The following C19orf12 variants were observed in gnomAD, a reference collection of about 807,000 sequenced individuals.
C19orf12 encodes chromosome 19 open reading frame 12, also known as protein C19orf12.
C19orf12 carries 2 observed loss-of-function variants against 3.8 expected under a neutral mutation model. That is an observed-to-expected ratio of 0.53 (90% CI 0.22 to 1.66). The LOEUF is 1.66. Among genes scored for constraint, C19orf12 ranks in the 40% most tolerant of loss-of-function variants. The pLI is 0.20. For synonymous variants in C19orf12, 89 were observed against 84.6 expected, an observed-to-expected ratio of 1.05 and a Z score of -0.28; for missense variants, 156 against 188.8, an observed-to-expected ratio of 0.83 and a Z score of 1.02.
At chr19:29,705,284 C>T (rs59045715) in intron 2 of C19orf12, 2 of 438,254 alleles carry the variant, frequency 4.6e-6, no homozygotes, top group Non-Finnish European at 9.0e-6. Context: ...CTGCCCAGTA[C>T]TCCTCAAAAC....
chr19:29,699,352 G>A lies in C19orf12; in HGVS notation c.*3360C>T, dbSNP rs751544888. On this transcript the variant is annotated 3_prime_UTR_variant, in exon 3 of 3. Transcript: ENST00000323670. ...ATAAAAATTAGCCGGGCATGGTGGC[G>A]GGCGACTGTAGTCAAAGCTACTCGG... The A allele has an allele frequency of 9.6e-5, 35 of 366,070 alleles. No homozygotes were observed. Among genetic ancestry groups the A allele is most frequent in the Middle Eastern group, 9.3e-4 (1 of 1,072 alleles). 22.7% of individuals were successfully genotyped at this position (366,070 alleles called of 1,614,324 possible). A position where few individuals can be genotyped will look rare whatever the true frequency, so the allele number is the denominator to read the frequency against.
Position 29,702,995 on chromosome 19 carries a change from GTTCAATTAGTGGGTCTTA to G in C19orf12, c.161-36_161-19del. On this transcript the variant is annotated intron_variant, in intron 2 of 2. Transcript: ENST00000323670. ...AGCCCCCCCTAGAAAACATGGAATCGTTCAATTAGTGGGTCTTATTCATAAGCGATGGCCTTACTTAAG... is the reference window on the plus strand; with the variant it reads ...AGCCCCCCCTAGAAAACATGGAATCGTTCATAAGCGATGGCCTTACTTAAG... 5.0e-6 allele frequency: 8 copies of G among 1,613,566 alleles called. No individual in the cohort carries two copies. The highest frequency in any genetic ancestry group is 6.8e-6 in the Non-Finnish European group (8 of 1,179,908).
intron 2 of C19orf12, 95 bp from the exon 3 acceptor site, chr19:29,703,072 C>A: frequency 6.5e-7 from 1 of 1,543,540 alleles, no homozygotes; most frequent in South Asian, 1.1e-5. Flanking sequence ...TCACCATGAG[C>A]AGGCACATTC....
chr19:29,705,373 A>G, intron 2 of C19orf12: 1 of 423,450 alleles, frequency 2.4e-6, no homozygotes. Context: ...ATTCAATGCA[A>G]TGCGGTGTCT....
intron 1 of C19orf12, among the ~76,000 whole-genome samples, chr19:29,712,451 C>T (rs1972730567): frequency 6.6e-6 from 1 of 151,936 alleles, no homozygotes; most frequent in Non-Finnish European, 1.5e-5. Flanking sequence ...GCTTGCATGG[C>T]ACTGATAAGA....
rs747302567 is a variant in C19orf12, at chr19:29,708,308, C to T, written c.106G>A (p.Gly36Arg). ...AAACCCCCGACGAAGGCCATGGCCC[C>T]TGTGACCAGGGCACCCTTCCCAGAG... ...KHSGKGALVT[G>R]AMAFVGGLVG... The change falls in exon 2 of 3, where the codon GGG (glycine) becomes AGG (arginine). Residue 36 changes from glycine to arginine, a missense_variant. Gly to Arg is a moderately radical substitution (Grantham distance 125). Transcript: ENST00000323670. 25 of 1,613,896 alleles carry T rather than the reference C, an allele frequency of 1.5e-5. No homozygotes were observed. Among genetic ancestry groups the T allele is most frequent in the Non-Finnish European group, 2.0e-5 (24 of 1,180,040 alleles).
chr19:29,706,216 T>C (rs1972373080), intron 2 of C19orf12, among the ~76,000 whole-genome samples: 1 of 152,254 alleles, frequency 6.6e-6, no homozygotes, highest in South Asian at 2.1e-4. Context: ...TTACTGAACT[T>C]TTCCCCATGA....
At chr19:29,704,698 C>T (rs1331948697) in intron 2 of C19orf12, among the ~76,000 whole-genome samples, 1 of 152,172 alleles carries the variant, frequency 6.6e-6, no homozygotes, top group Admixed American at 6.5e-5. Flanking sequence ...TCAAGTGCCT[C>T]CAAGAGCCAG....
At position 29,701,316 on chromosome 19, in the gene C19orf12, C is replaced by T. The variant is rs1487711745; in HGVS notation, c.*1396G>A. ...TCAGACACCGACATCTGAGGATGCT[C>T]AAGTCCCTGATGGGCAATGGCATAG... On this transcript the variant is annotated 3_prime_UTR_variant, in exon 3 of 3. Coordinates refer to ENST00000323670, the MANE Select transcript of C19orf12 (RefSeq NM_031448.6). 2.2e-6 allele frequency: 1 copy of T among 454,020 alleles called. No homozygotes were observed. The highest frequency in any genetic ancestry group is 2.0e-5 in the African/African-American group (1 of 50,012). The allele number at this position is 454,020 out of a possible 1,614,324, so 28.1% of individuals were successfully genotyped here.
intron 2 of C19orf12, among the ~76,000 whole-genome samples, chr19:29,704,735 G>A (rs1192089519): frequency 6.6e-5 from 10 of 152,266 alleles, no homozygotes; most frequent in Admixed American, 4.6e-4. Flanking sequence ...GTGAAGGGGC[G>A]GTTGGGCCTT....
chr19:29,708,575 C>T (rs935327094), intron 1 of C19orf12, 152 bp from the exon 2 acceptor site: 23 of 940,824 alleles, frequency 2.4e-5, no homozygotes, highest in African/African-American at 8.1e-5. Flanking sequence ...AGCATCCAGA[C>T]GGTGGAAAGT....
intron 2 of C19orf12, among the ~76,000 whole-genome samples, chr19:29,703,432 G>A (rs1032256051): frequency 1.4e-5 from 2 of 146,094 alleles, no homozygotes; most frequent in Non-Finnish European, 3.0e-5. Flanking sequence ...CCAGGCTGGA[G>A]TGCAATGGCA....
rs1972107012 is a variant in C19orf12, at chr19:29,701,927, T to G, written c.*785A>C. ...GGGAAACTAAAACAATGCGCTTCCTTGCTTTATTGTGATGTTGGCTTTACC... is the reference window on the plus strand; with the variant it reads ...GGGAAACTAAAACAATGCGCTTCCTGGCTTTATTGTGATGTTGGCTTTACC... On this transcript the variant is annotated 3_prime_UTR_variant, in exon 3 of 3. Transcript: ENST00000323670. The G allele has an allele frequency of 2.2e-6, 1 of 454,162 alleles. No homozygotes were observed. Among genetic ancestry groups the G allele is most frequent in the South Asian group, 1.6e-5 (1 of 64,480 alleles). The allele number at this position is 454,162 out of a possible 1,614,324, so 28.1% of individuals were successfully genotyped here.
chr19:29,703,228 A>G (rs1243469638), intron 2 of C19orf12, among the ~76,000 whole-genome samples: 1 of 152,138 alleles, frequency 6.6e-6, no homozygotes, highest in Non-Finnish European at 1.5e-5. Flanking sequence ...TTAAGGATGC[A>G]AAATGAAGCC....
rs1399252028 is a variant in C19orf12 at position 29,699,981 on chromosome 19, C to T, written c.*2731G>A. On this transcript the variant is annotated 3_prime_UTR_variant, in exon 3 of 3. Transcript: ENST00000323670. ...CCAGGTTCAGGCTGCCCTTTTAGGC[C>T]CAAAGCCTCCAAGTCACCCCAGGAC... The T allele has an allele frequency of 2.2e-6, 1 of 453,920 alleles. No homozygotes were observed. The highest frequency in any genetic ancestry group is 2.4e-5 in the Admixed American group (1 of 42,538). The allele number at this position is 453,920 out of a possible 1,614,324, so 28.1% of individuals were successfully genotyped here. A position where few individuals can be genotyped will look rare whatever the true frequency, so the allele number is the denominator to read the frequency against.
In C19orf12 at chr19:29,701,568, G is replaced by A. The variant is rs9566; in HGVS notation, c.*1144C>T. 0.46 allele frequency: 209,955 copies of A among 453,946 alleles called. 55,349 individuals carry two copies. The highest frequency in any genetic ancestry group is 0.6 in the Non-Finnish European group (135,097 of 226,758). The allele number at this position is 453,946 out of a possible 1,614,324, so 28.1% of individuals were successfully genotyped here. On this transcript the variant is annotated 3_prime_UTR_variant, in exon 3 of 3. Coordinates refer to ENST00000323670, the MANE Select transcript of C19orf12 (RefSeq NM_031448.6). ...ATCTAAATGTGGAGACCACAGTTACGGAGAGCTGACTGTACTGGGGAAATC... is the reference window on the plus strand; with the variant it reads ...ATCTAAATGTGGAGACCACAGTTACAGAGAGCTGACTGTACTGGGGAAATC...
rs779700423 is a variant in C19orf12 at position 29,702,832 on chromosome 19, C to G, written c.306G>C (p.Thr102=). Residue 102 remains threonine, a synonymous_variant, in exon 3 of 3, where the codon ACG becomes ACC. Transcript: ENST00000323670. ...AAAIIRHLEW[T]DAVQLTALVM... is the part of the protein sequence containing the mutation. ...CCAGCGCGGTCAGCTGCACGGCGTCCGTCCACTCCAGGTGCCTGATGATGG... is the reference window on the plus strand; with the variant it reads ...CCAGCGCGGTCAGCTGCACGGCGTCGGTCCACTCCAGGTGCCTGATGATGG... The G allele has an allele frequency of 5.0e-6, 8 of 1,614,130 alleles. 1 individual carries two copies. The South Asian group carries it at 7.7e-5, about 16-fold the overall frequency.
At position 29,702,441 on chromosome 19, in the gene C19orf12, G is replaced by T; in HGVS notation, c.*271C>A. ...TCAGCAGACGCCTCCGAAGCCTGCG[G>T]CAGGCAGGCCTTTACTCTTCACTGG... On this transcript the variant is annotated 3_prime_UTR_variant, in exon 3 of 3. Coordinates refer to ENST00000323670, the MANE Select transcript of C19orf12 (RefSeq NM_031448.6). 1 of 655,536 alleles carries T rather than the reference G, an allele frequency of 1.5e-6. No individual in the cohort carries two copies. The highest frequency in any genetic ancestry group is 1.8e-5 in the African/African-American group (1 of 56,472). The allele number at this position is 655,536 out of a possible 1,614,324, so 40.6% of individuals were successfully genotyped here.
intron 1 of C19orf12, among the ~76,000 whole-genome samples, chr19:29,713,169 C>T (rs1430659566): frequency 1.3e-5 from 2 of 152,176 alleles, no homozygotes; most frequent in Admixed American, 6.5e-5. Flanking sequence ...CTTCTCCCAC[C>T]GCAAGGCTGC....
Sources: allele counts gnomAD v4.1 joint callset (sites outside exome capture counted in the v4.1 genomes callset), GRCh38; gene constraint gnomAD v4.1.1; transcripts MANE v1.5; gene names NCBI Gene and HGNC (gene_info 2026-07-23, HGNC 2026-07-21).